Variants in ZNF384 observed in about 807,000 individuals in gnomAD.
ZNF384 encodes the protein zinc finger protein 384, also known as CAG repeat protein 1.
A neutral mutation model predicts 65.0 loss-of-function variants in ZNF384; 20 were observed. That is an observed-to-expected ratio of 0.31 (90% confidence interval 0.22 to 0.45). The LOEUF is 0.45. Ranked by LOEUF, ZNF384 falls within the 20% of genes least tolerant of loss-of-function variation. The pLI, the probability that ZNF384 is intolerant of heterozygous loss-of-function variation, is 1.00. For missense variants in ZNF384, 549 were observed against 769.4 expected (o/e 0.71, Z 3.39); for synonymous variants, 310 against 303.9 (o/e 1.02, Z -0.21).
Position 6,673,581 on chromosome 12 carries a change from T to A in ZNF384, c.780-141A>T. On this transcript the variant is annotated intron_variant, in intron 7 of 11. Transcript: ENST00000683879. The surrounding 1 kb of genome is among the most constrained non-coding windows in gnomAD (Gnocchi z 4.7). Reference sequence around the variant, plus strand: ...AGAGTAGAGCTCTATATATTCATCTTTATGGCCTAAGCTTCTAACATGGTG... The same window carrying A: ...AGAGTAGAGCTCTATATATTCATCTATATGGCCTAAGCTTCTAACATGGTG... The A allele has an allele frequency of 3.1e-6, 2 of 652,136 alleles. No individual in the cohort carries two copies. The highest frequency in any genetic ancestry group is 5.3e-6 in the Non-Finnish European group (2 of 378,738). 40.4% of individuals were successfully genotyped at this position (652,136 alleles called of 1,614,324 possible). A position where few individuals can be genotyped will look rare whatever the true frequency, so the allele number is the denominator to read the frequency against.
At position 6,673,422 on chromosome 12, in the gene ZNF384, C is replaced by T. The variant is rs767375244; in HGVS notation, c.798G>A (p.Leu266=). The T allele has an allele frequency of 3.7e-6, 6 of 1,613,842 alleles. No homozygotes were observed. The highest frequency in any genetic ancestry group is 5.1e-6 in the Non-Finnish European group (6 of 1,179,998). ...LCDPGCRMCS[L]TFYSKSEMQI... Reference sequence around the variant, plus strand: ...GCATCTCCGACTTGGAGTAGAATGTCAGTGAGCACATCCGGCACCTGAGCC... The same window carrying T: ...GCATCTCCGACTTGGAGTAGAATGTTAGTGAGCACATCCGGCACCTGAGCC... Residue 266 remains leucine (L), a synonymous_variant, in exon 8 of 12, where the codon CTG becomes CTA. Transcript: ENST00000683879. The surrounding 1 kb of genome is among the most constrained non-coding windows in gnomAD (Gnocchi z 4.7).
intron 7 of ZNF384, among the ~76,000 whole-genome samples, chr12:6,676,401 T>C (rs978890334): frequency 2.6e-5 from 4 of 152,248 alleles, no homozygotes; most frequent in African/African-American, 7.2e-5. Flanking sequence ...TCAAAGTTCT[T>C]TGTAGTCTCC....
Position 6,683,371 on chromosome 12 carries a change from T to G in ZNF384, c.-5-3846A>C, listed in dbSNP as rs147519160. ...AACGAAAGAAAGGGCCAATGTATAA[T>G]TTTCCCAAAAGAATCAAGGAAGTTG... is the stretch of plus-strand genomic sequence containing the variant. On this transcript the variant is annotated intron_variant, in intron 2 of 11. Coordinates refer to ENST00000683879, the MANE Select transcript of ZNF384 (RefSeq NM_001385745.1). Among the ~76,000 whole-genome samples, 269 of 148,422 alleles carry G rather than the reference T, an allele frequency of 1.8e-3. 1 individual carries two copies. The highest frequency in any genetic ancestry group is 6.3e-3 in the African/African-American group (256 of 40,430).
Position 6,678,167 on chromosome 12 carries a change from CA to C in ZNF384, c.645del (p.Glu216ArgfsTer51), listed in dbSNP as rs1205098493. The C allele has an allele frequency of 6.2e-7, 1 of 1,613,978 alleles. No individual in the cohort carries two copies. The highest frequency in any genetic ancestry group is 8.5e-7 in the Non-Finnish European group (1 of 1,179,984). ...PEMNDPYVLS[P>X]EDDDDHQKDG... ...TCTTTCTGATGGTCATCATCATCCT[CA>C]GGGGAGAGGACATAAGGGTCATTCA... On this transcript the variant is annotated frameshift_variant, in exon 6 of 12. Transcript: ENST00000683879. LOFTEE classifies it high-confidence loss of function. The surrounding 1 kb of genome is among the most constrained non-coding windows in gnomAD (Gnocchi z 4.9).
chr12:6,685,248 AG>A (rs1957469219), intron 2 of ZNF384, among the ~76,000 whole-genome samples: 1 of 151,870 alleles, frequency 6.6e-6, no homozygotes, highest in African/African-American at 2.4e-5. Flanking sequence ...GCTTGAGCCC[AG>A]GAAGTCGAGG....
rs530418197 is a variant in ZNF384, at chr12:6,683,288, CAA to C, written c.-5-3765_-5-3764del. Among the ~76,000 whole-genome samples the C allele has an allele frequency of 8.5e-3, 1,152 of 136,012 alleles. 17 individuals are homozygous for C. Among genetic ancestry groups the C allele is most frequent in the African/African-American group, 0.027 (1,003 of 36,780 alleles). The allele number at this position is 136,012 out of a possible 152,430, so 89.2% of individuals were successfully genotyped here. A position where few individuals can be genotyped will look rare whatever the true frequency, so the allele number is the denominator to read the frequency against. On this transcript the variant is annotated intron_variant, in intron 2 of 11. Coordinates refer to ENST00000683879, the MANE Select transcript of ZNF384 (RefSeq NM_001385745.1). ...CCTGGGCAACAGAGCAAGACTGTCTCAAAAAAAAAATAAAATAAAATAAAAAA... is the reference window on the plus strand; with the variant it reads ...CCTGGGCAACAGAGCAAGACTGTCTCAAAAAAAATAAAATAAAATAAAAAA...
At chr12:6,682,808 C>T (rs903299816) in intron 2 of ZNF384, among the ~76,000 whole-genome samples, 1 of 152,182 alleles carries the variant, frequency 6.6e-6, no homozygotes, top group Non-Finnish European at 1.5e-5. Flanking sequence ...CCCCAACATA[C>T]GACTTTATCA....
rs752204296 is a variant in ZNF384 at position 6,669,239 on chromosome 12, T to C, written c.1267-50A>G. ...ATGAATACATTGTACTCTTTCCTCC[T>C]GCCCCCTTGACCTCGATGGAAAGCA... On this transcript the variant is annotated intron_variant, in intron 10 of 11. Transcript: ENST00000683879. The C allele has an allele frequency of 2.6e-6, 4 of 1,544,886 alleles. No individual in the cohort carries two copies. The African/African-American group carries it at 4.1e-5, about 16-fold the overall frequency.
intron 2 of ZNF384, 95 bp from the exon 3 acceptor site, chr12:6,679,620 T>G (rs1382642980): frequency 2.2e-6 from 2 of 921,130 alleles, no homozygotes; most frequent in Non-Finnish European, 3.4e-6. Flanking sequence ...TGGTCTCCTC[T>G]GGCACCTGAT....
In ZNF384 at chr12:6,666,807, A is replaced by G. The variant is rs1390276553; in HGVS notation, c.*907T>C. The G allele has an allele frequency of 5.9e-6, 1 of 168,968 alleles. No individual in the cohort carries two copies. Among genetic ancestry groups the G allele is most frequent in the East Asian group, 1.1e-4 (1 of 8,954 alleles). The allele number at this position is 168,968 out of a possible 1,614,324, so 10.5% of individuals were successfully genotyped here. On this transcript the variant is annotated 3_prime_UTR_variant, in exon 12 of 12. Transcript: ENST00000683879. The stretch of plus-strand genomic sequence containing the variant: ...AAGATGGCCGTGATGAGTGAGTATA[A>G]TATATTTATATATATATATTTATAT...
At chr12:6,680,934 C>T (rs554601672) in intron 2 of ZNF384, among the ~76,000 whole-genome samples, 16 of 151,810 alleles carry the variant, frequency 1.1e-4, no homozygotes, top group African/African-American at 3.6e-4. Context: ...ACTGTGCTTC[C>T]GGCTGGGCAT....
chr12:6,684,135 G>A (rs747196318), intron 2 of ZNF384, among the ~76,000 whole-genome samples: 2 of 152,130 alleles, frequency 1.3e-5, no homozygotes, highest in Non-Finnish European at 2.9e-5. Context: ...TTTAGTCCCT[G>A]CAACAATGAG....
chr12:6,686,995 A>G (rs1043252507), intron 2 of ZNF384, among the ~76,000 whole-genome samples: 2 of 152,236 alleles, frequency 1.3e-5, no homozygotes, highest in Admixed American at 1.3e-4. Context: ...TCCAAAACAC[A>G]CAACTGCAGA....
In ZNF384 at chr12:6,668,002, GGCTTGA is replaced by G. The variant is rs1164366080; in HGVS notation, c.1533_1538del (p.Gln526_Ala527del). On this transcript the variant is annotated inframe_deletion, in exon 12 of 12. Coordinates refer to ENST00000683879, the MANE Select transcript of ZNF384 (RefSeq NM_001385745.1). ...GGGCTTGAGCCTGAGCCTGAGCCTG[GGCTTGA>G]GCTTGAGCCTGGGCCTGGGCCACTG... 8 of 1,613,050 alleles carry G rather than the reference GGCTTGA, an allele frequency of 5.0e-6. No homozygotes were observed. The highest frequency in any genetic ancestry group is 5.1e-6 in the Non-Finnish European group (6 of 1,179,604).
In ZNF384 at chr12:6,689,245, G is replaced by A; in HGVS notation, c.-213C>T. The A allele has an allele frequency of 6.5e-6, 1 of 152,942 alleles. No individual in the cohort carries two copies. The highest frequency in any genetic ancestry group is 1.5e-5 in the Non-Finnish European group (1 of 68,308). 9.5% of individuals were successfully genotyped at this position (152,942 alleles called of 1,614,324 possible). ...AGCGCAAGGCGCAGCGCGCGGGCAC[G>A]CACTTCTGGAGCGAGACAGACCCAC... On this transcript the variant is annotated 5_prime_UTR_variant, in exon 1 of 12. Coordinates refer to ENST00000683879, the MANE Select transcript of ZNF384 (RefSeq NM_001385745.1).
chr12:6,682,873 T>C (rs1302111325), intron 2 of ZNF384, among the ~76,000 whole-genome samples: 1 of 152,222 alleles, frequency 6.6e-6, no homozygotes, highest in South Asian at 2.1e-4. Flanking sequence ...TACCTACATA[T>C]AGATTTTGCA....
At position 6,679,090 on chromosome 12, in the gene ZNF384, T is replaced by C. The variant is rs779860065; in HGVS notation, c.160A>G (p.Thr54Ala). The change falls in exon 4 of 12, where the codon ACA (threonine) becomes GCA (alanine). Residue 54 changes from threonine (T) to alanine (A), a missense_variant. Physicochemically the swap from Thr to Ala is moderately conservative, Grantham distance 58 (BLOSUM62 0). This residue lies in a region of ZNF384 where 277 missense variants were observed against 337.2 expected (regional missense o/e 0.82). Coordinates refer to ENST00000683879, the MANE Select transcript of ZNF384 (RefSeq NM_001385745.1). ...GGCAGGGACACTGAGGCAGGCACTGTCAGCAAGGTGGGGTAGTGAGGTGGG... is the reference window on the plus strand; with the variant it reads ...GGCAGGGACACTGAGGCAGGCACTGCCAGCAAGGTGGGGTAGTGAGGTGGG... Reference protein sequence around the residue: ...LAPPHYPTLLTVPASVSLPSG... With the variant: ...LAPPHYPTLLAVPASVSLPSG... 6.2e-7 allele frequency: 1 copy of C among 1,613,938 alleles called. No individual in the cohort carries two copies. Among genetic ancestry groups the C allele is most frequent in the Non-Finnish European group, 8.5e-7 (1 of 1,179,964 alleles).
rs1950215198 is a variant in ZNF384 at position 6,668,044 on chromosome 12, T to C, written c.1497A>G (p.Ala499=). The part of the protein sequence containing the change: ...PDLQQQVQAA[A]AAAAVAQAQA... ...GGGCCTGGGCCACTGCTGCCGCTGC[T>C]GCTGCTGCCTGCACCTGTTGCTGAA... The change falls in exon 12 of 12, where the codon GCA becomes GCG. Residue 499 remains alanine (A), a synonymous_variant. Coordinates refer to ENST00000683879, the MANE Select transcript of ZNF384 (RefSeq NM_001385745.1). The C allele has an allele frequency of 5.6e-6, 9 of 1,613,574 alleles. No individual in the cohort carries two copies. Among genetic ancestry groups the C allele is most frequent in the East Asian group, 2.2e-5 (1 of 44,886 alleles).
Position 6,673,471 on chromosome 12 carries a change from C to G in ZNF384, c.780-31G>C. 6.2e-7 allele frequency: 1 copy of G among 1,602,046 alleles called. No homozygotes were observed. Among genetic ancestry groups the G allele is most frequent in the Non-Finnish European group, 8.5e-7 (1 of 1,171,612 alleles). On this transcript the variant is annotated intron_variant, in intron 7 of 11. Coordinates refer to ENST00000683879, the MANE Select transcript of ZNF384 (RefSeq NM_001385745.1). This position sits in a 1 kb window ranked among gnomAD's most constrained non-coding sequence, Gnocchi z 4.7. The stretch of plus-strand genomic sequence containing the variant: ...CCAAGTGAGGGCAATGGTTAGAACC[C>G]TTCCCATCAAGAAGGTGTGGCTGAA...
Sources: allele counts gnomAD v4.1 joint callset (sites outside exome capture counted in the v4.1 genomes callset), GRCh38; gene constraint gnomAD v4.1.1; regional missense constraint gnomAD v4.1.1; non-coding constraint Gnocchi (gnomAD v3.1); transcripts MANE v1.5; gene names NCBI Gene and HGNC (gene_info 2026-07-23, HGNC 2026-07-21).